ZEB1: variants seen among roughly 807,000 people sequenced by gnomAD.
ZEB1 encodes zinc finger E-box-binding homeobox 1.
In ZEB1, 21 loss-of-function variants were observed where a neutral mutation model predicts 84.9. That is an observed-to-expected ratio of 0.25 (90% CI 0.18 to 0.36). ZEB1 has a LOEUF of 0.36. Among genes scored for constraint, ZEB1 ranks in the 10% least tolerant of loss-of-function variants. ZEB1 has a pLI of 1.00. For missense variants in ZEB1, 1,104 were observed against 1,330.2 expected (o/e 0.83, Z 2.65); for synonymous variants, 420 against 471.1 (o/e 0.89, Z 1.41).
chr10:31,395,830 C>A (rs922152231), intron 1 of ZEB1, among the ~76,000 whole-genome samples: 2 of 152,164 alleles, frequency 1.3e-5, no homozygotes, highest in African/African-American at 2.4e-5. Context: ...ATGCCTGAGA[C>A]CTACTGGAAC....
At chr10:31,522,205 G>A (rs1366169068) in intron 7 of ZEB1, among the ~76,000 whole-genome samples, 1 of 152,160 alleles carries the variant, frequency 6.6e-6, no homozygotes, top group Non-Finnish European at 1.5e-5. Flanking sequence ...CCTGTTTGAA[G>A]TTAGAAATCA....
At chr10:31,456,373 C>T (rs757566725) in intron 1 of ZEB1, among the ~76,000 whole-genome samples, 68 of 151,846 alleles carry the variant, frequency 4.5e-4, no homozygotes, top group African/African-American at 1.5e-3. Flanking sequence ...GCACGTTCTG[C>T]GATGTACCCC....
At chr10:31,355,061 C>T (rs889278736) in intron 1 of ZEB1, 20 of 152,028 alleles carry the variant, frequency 1.3e-4, no homozygotes, top group African/African-American at 4.6e-4. Context: ...TTTGGTAAGA[C>T]TCCTATTGAT....
chr10:31,322,869 A>G (rs1019830169), intron 1 of ZEB1, among the ~76,000 whole-genome samples: 2 of 151,904 alleles, frequency 1.3e-5, no homozygotes, highest in African/African-American at 4.8e-5. Context: ...CCTTGCTGTC[A>G]TTGGAAACCA....
chr10:31,355,430 G>A (rs79471006), intron 1 of ZEB1, among the ~76,000 whole-genome samples: 25 of 152,282 alleles, frequency 1.6e-4, no homozygotes, highest in African/African-American at 5.8e-4. Context: ...AAACAAGACA[G>A]ATATCTTTCC....
At chr10:31,341,024 C>G (rs151161310) in intron 1 of ZEB1, among the ~76,000 whole-genome samples, 54 of 152,174 alleles carry the variant, frequency 3.5e-4, no homozygotes, top group African/African-American at 1.3e-3. Context: ...TGGAGAGATA[C>G]GAAACCAAAT....
chr10:31,417,496 C>T (rs2055412453), intron 1 of ZEB1, among the ~76,000 whole-genome samples: 2 of 152,048 alleles, frequency 1.3e-5, no homozygotes, highest in Non-Finnish European at 2.9e-5. Flanking sequence ...ACTGTCTTAA[C>T]AACACTAAGC....
chr10:31,512,958 G>A lies in ZEB1; in HGVS notation c.688-1645G>A, dbSNP rs532723091. On this transcript the variant is annotated intron_variant, in intron 5 of 8. Coordinates refer to ENST00000424869, the MANE Select transcript of ZEB1 (RefSeq NM_001174096.2). ...GAGAACAGCAGAGGCCAGTGTGAAA[G>A]GGAGAAAGGTAAGGCCAGAGAGGTG... Among the ~76,000 whole-genome samples the A allele has an allele frequency of 9.7e-4, 147 of 152,256 alleles. 2 individuals are homozygous for A. The highest frequency in any genetic ancestry group is 3.4e-3 in the African/African-American group (142 of 41,566).
chr10:31,427,722 G>A (rs1256572821), intron 1 of ZEB1, among the ~76,000 whole-genome samples: 1 of 152,078 alleles, frequency 6.6e-6, no homozygotes, highest in Non-Finnish European at 1.5e-5. Context: ...AGCCGGGCGT[G>A]GTGGCGGGCG....
chr10:31,334,439 CACG>C (rs1294834032), intron 1 of ZEB1, among the ~76,000 whole-genome samples: 7 of 151,928 alleles, frequency 4.6e-5, no homozygotes, highest in Admixed American at 3.3e-4. Flanking sequence ...AATTATTGTA[CACG>C]ACAACTTATG....
chr10:31,460,240 C>T (rs532355007), intron 1 of ZEB1, among the ~76,000 whole-genome samples: 2 of 152,048 alleles, frequency 1.3e-5, no homozygotes, highest in South Asian at 4.1e-4. Flanking sequence ...ATAGAAATCA[C>T]TCAGAATAAT....
intron 4 of ZEB1, among the ~76,000 whole-genome samples, chr10:31,509,216 C>T (rs528854754): frequency 6.6e-6 from 1 of 152,132 alleles, no homozygotes; most frequent in African/African-American, 2.4e-5. Flanking sequence ...AGCATAAGCT[C>T]CCTCTCCGGA....
At chr10:31,388,986 G>C (rs545367974) in intron 1 of ZEB1, among the ~76,000 whole-genome samples, 1 of 152,120 alleles carries the variant, frequency 6.6e-6, no homozygotes, top group East Asian at 1.9e-4. Flanking sequence ...CTTTTTTAAA[G>C]TGAGTTTTGT....
At position 31,502,338 on chromosome 10, in the gene ZEB1, T is replaced by C. The variant is rs1217761009; in HGVS notation, c.323-10T>C. 1 of 1,600,340 alleles carries C rather than the reference T, an allele frequency of 6.2e-7. No homozygotes were observed. The highest frequency in any genetic ancestry group is 1.3e-5 in the African/African-American group (1 of 74,510). The stretch of plus-strand genomic sequence containing the variant: ...GAGATTGCTGTCTTAAAAGTATGCA[T>C]TTTTTTTAGTAAAAGATGATGAATG... On this transcript the variant is annotated splice_polypyrimidine_tract_variant and intron_variant, in intron 3 of 8. Coordinates refer to ENST00000424869, the MANE Select transcript of ZEB1 (RefSeq NM_001174096.2).
chr10:31,418,415 C>A (rs1228476551), intron 1 of ZEB1, among the ~76,000 whole-genome samples: 1 of 152,052 alleles, frequency 6.6e-6, no homozygotes, highest in African/African-American at 2.4e-5. Context: ...AGTCTTTGAG[C>A]TGCAGAAGAA....
chr10:31,399,467 A>G (rs1250214137), intron 1 of ZEB1, among the ~76,000 whole-genome samples: 1 of 152,064 alleles, frequency 6.6e-6, no homozygotes, highest in Non-Finnish European at 1.5e-5. Flanking sequence ...ATAATTCTTC[A>G]CATTTCTGTT....
chr10:31,516,358 A>T (rs1475453939), intron 6 of ZEB1, among the ~76,000 whole-genome samples: 1 of 151,898 alleles, frequency 6.6e-6, no homozygotes, highest in Admixed American at 6.6e-5. Context: ...TAACATAGCA[A>T]GTAATTTTAA....
intron 1 of ZEB1, among the ~76,000 whole-genome samples, chr10:31,377,827 G>A (rs2046931663): frequency 1.3e-5 from 2 of 151,416 alleles, no homozygotes; most frequent in South Asian, 2.1e-4. Context: ...GTTTACCTTT[G>A]AATTAACTTT....
At chr10:31,513,709 G>C (rs1350080938) in intron 5 of ZEB1, among the ~76,000 whole-genome samples, 1 of 152,172 alleles carries the variant, frequency 6.6e-6, no homozygotes, top group Non-Finnish European at 1.5e-5. Context: ...GGAAAACACA[G>C]TGAAGGAGTA....
Sources: allele counts gnomAD v4.1 joint callset (sites outside exome capture counted in the v4.1 genomes callset), GRCh38; gene constraint gnomAD v4.1.1; transcripts MANE v1.5; gene names NCBI Gene and HGNC (gene_info 2026-07-23, HGNC 2026-07-21).